Variants in ZFHX3 observed in about 807,000 individuals in gnomAD.
The protein encoded by ZFHX3 is zinc finger homeobox protein 3.
Under a neutral mutation model 279.1 loss-of-function variants are expected in ZFHX3, and 42 were observed. That is an observed-to-expected ratio of 0.15 (90% CI 0.12 to 0.19). The LOEUF is 0.19. ZFHX3 is among the 10% of genes least tolerant of loss of function. ZFHX3 has a pLI of 1.00. For missense variants in ZFHX3, 4,981 were observed against 4,754.0 expected (o/e 1.05, Z -1.40); for synonymous variants, 2,293 against 1,957.8 (o/e 1.17, Z -4.52).
At chr16:73,428,801 T>C (rs890427273) in intron 3 of ZFHX3, among the ~76,000 whole-genome samples, 1 of 152,188 alleles carries the variant, frequency 6.6e-6, no homozygotes, top group Non-Finnish European at 1.5e-5. Flanking sequence ...ATCCTCTGGA[T>C]TCCAGAGGGT....
At chr16:73,844,640 T>G (rs1961397965) in intron 1 of ZFHX3, among the ~76,000 whole-genome samples, 2 of 151,352 alleles carry the variant, frequency 1.3e-5, no homozygotes, top group South Asian at 4.2e-4. Flanking sequence ...GGTAGAGGGA[T>G]GGAAGGATGG....
intron 8 of ZFHX3, among the ~76,000 whole-genome samples, chr16:73,077,876 C>T (rs1241980885): frequency 6.6e-6 from 1 of 152,212 alleles, no homozygotes; most frequent in African/African-American, 2.4e-5. Context: ...GTGATTTCAG[C>T]TCACTGCAAC....
rs181298996 is a variant in ZFHX3 at position 73,001,760 on chromosome 16, C to T, written c.-49-41566G>A. Among the ~76,000 whole-genome samples the T allele has an allele frequency of 5.9e-4, 90 of 151,558 alleles. 1 individual carries two copies. The East Asian group carries it at 0.017, about 29-fold the overall frequency. On this transcript the variant is annotated intron_variant, in intron 1 of 9. Transcript: ENST00000268489. ...CCTTGAGCCCGGGAGGTCAAGGCTG[C>T]AGTGAGCCCTGACTGCACCACCACG...
At chr16:73,328,010 A>T (rs1284701103) in intron 3 of ZFHX3, among the ~76,000 whole-genome samples, 1 of 152,152 alleles carries the variant, frequency 6.6e-6, no homozygotes, top group African/African-American at 2.4e-5. Flanking sequence ...GATCGGGGGG[A>T]ACACCAGCCA....
intron 2 of ZFHX3, among the ~76,000 whole-genome samples, chr16:73,631,318 T>C (rs1355048829): frequency 6.6e-6 from 1 of 152,188 alleles, no homozygotes; most frequent in Non-Finnish European, 1.5e-5. Flanking sequence ...ACTCGAAATG[T>C]AGCATACACT....
intron 3 of ZFHX3, among the ~76,000 whole-genome samples, chr16:72,895,049 C>A (rs1250921817): frequency 1.3e-5 from 2 of 152,162 alleles, no homozygotes; most frequent in Non-Finnish European, 2.9e-5. Context: ...CAAAGAAAAC[C>A]AGCTGGTGAG....
intron 1 of ZFHX3, among the ~76,000 whole-genome samples, chr16:73,693,215 T>C (rs1011272365): frequency 6.6e-6 from 1 of 152,162 alleles, no homozygotes; most frequent in Non-Finnish European, 1.5e-5. Context: ...AGATAATATA[T>C]AAATATTTTA....
At chr16:73,016,683 T>A (rs142269668) in intron 1 of ZFHX3, among the ~76,000 whole-genome samples, 1 of 151,978 alleles carries the variant, frequency 6.6e-6, no homozygotes, top group African/African-American at 2.4e-5. Context: ...TACACCAGAG[T>A]TGACTCCAGT....
intron 2 of ZFHX3, among the ~76,000 whole-genome samples, chr16:73,508,115 C>T (rs998024825): frequency 3.3e-5 from 5 of 152,122 alleles, no homozygotes; most frequent in Non-Finnish European, 7.4e-5. Context: ...CCAGGAATAT[C>T]AAATCGAGGC....
chr16:73,869,906 A>G (rs1033473858), intron 1 of ZFHX3, among the ~76,000 whole-genome samples: 2 of 152,240 alleles, frequency 1.3e-5, no homozygotes, highest in African/African-American at 2.4e-5. Context: ...GCCCCAGGAC[A>G]GTGCCTGGAA....
At chr16:73,605,489 G>A (rs1215293220) in intron 2 of ZFHX3, among the ~76,000 whole-genome samples, 1 of 152,142 alleles carries the variant, frequency 6.6e-6, no homozygotes, top group Non-Finnish European at 1.5e-5. Context: ...ATTAAGTCAG[G>A]ATTCCAGGCA....
At position 73,647,735 on chromosome 16, in the gene ZFHX3, G is replaced by GA. The variant is rs201738097; in HGVS notation, c.-1547+32444dup. On this transcript the variant is annotated intron_variant, in intron 2 of 17. Transcript: ENST00000641206. ...GTTTAGAGTCAAGAAAAGCAGAAGAGAAAAAAAAACAAAAAAGAAGGAAGA... is the reference window on the plus strand; with the variant it reads ...GTTTAGAGTCAAGAAAAGCAGAAGAGAAAAAAAAAACAAAAAAGAAGGAAGA... Among the ~76,000 whole-genome samples the GA allele has an allele frequency of 1.1e-3, 165 of 147,844 alleles. 1 individual carries two copies. In the East Asian group the frequency reaches 0.013, roughly 12 times the overall value.
At chr16:72,919,747 C>T (rs1020998940) in intron 3 of ZFHX3, among the ~76,000 whole-genome samples, 1 of 109,644 alleles carries the variant, frequency 9.1e-6, no homozygotes, top group African/African-American at 3.4e-5. Flanking sequence ...GAGAGGCCGT[C>T]TTTCCAACTA....
chr16:73,475,927 T>C (rs1471437095), intron 2 of ZFHX3, among the ~76,000 whole-genome samples: 1 of 152,164 alleles, frequency 6.6e-6, no homozygotes, highest in African/African-American at 2.4e-5. Flanking sequence ...TTCCATTTCA[T>C]TCCATTGAAT....
chr16:72,910,685 G>A (rs1430975465), intron 3 of ZFHX3, among the ~76,000 whole-genome samples: 5 of 152,132 alleles, frequency 3.3e-5, no homozygotes, highest in Non-Finnish European at 7.3e-5. Flanking sequence ...AAGCCTGCAG[G>A]TGGGAGCTTC....
At chr16:73,554,029 G>A (rs1187057339) in intron 2 of ZFHX3, among the ~76,000 whole-genome samples, 1 of 152,132 alleles carries the variant, frequency 6.6e-6, no homozygotes, top group Non-Finnish European at 1.5e-5. Context: ...ACAGTACAAG[G>A]GGGGAAATGT....
intron 1 of ZFHX3, among the ~76,000 whole-genome samples, chr16:73,795,082 T>C (rs1290788725): frequency 1.3e-5 from 2 of 152,134 alleles, no homozygotes; most frequent in African/African-American, 4.8e-5. Context: ...AGCAAACACA[T>C]ACTTCAAACT....
At chr16:72,985,509 GAAC>G (rs1322357705) in intron 1 of ZFHX3, among the ~76,000 whole-genome samples, 2 of 152,216 alleles carry the variant, frequency 1.3e-5, no homozygotes, top group Non-Finnish European at 2.9e-5. Context: ...GCAGAGCTGA[GAAC>G]AACATTGGAC....
At chr16:73,444,748 G>A (rs2018151846) in intron 3 of ZFHX3, among the ~76,000 whole-genome samples, 1 of 152,168 alleles carries the variant, frequency 6.6e-6, no homozygotes, top group African/African-American at 2.4e-5. Context: ...CTCAAGTGAA[G>A]TGCAGCACCT....
Sources: allele counts gnomAD v4.1 joint callset (sites outside exome capture counted in the v4.1 genomes callset), GRCh38; gene constraint gnomAD v4.1.1; transcripts MANE v1.5; gene names NCBI Gene and HGNC (gene_info 2026-07-23, HGNC 2026-07-21).